SRGAP3: variants seen among roughly 807,000 people sequenced by gnomAD.
SRGAP3 encodes SLIT-ROBO Rho GTPase activating protein 3.
Under a neutral mutation model 121.1 loss-of-function variants are expected in SRGAP3, and 39 were observed. The ratio of observed to expected loss-of-function variants is 0.32; its 90% CI spans 0.25 to 0.42. SRGAP3 has a LOEUF of 0.42. SRGAP3 is among the 10% of genes least tolerant of loss of function. The probability of loss-of-function intolerance (pLI) is 1.00; values close to 1 mark genes in which losing one functional copy is unlikely to be tolerated. For missense variants in SRGAP3, 1,213 were observed against 1,470.6 expected, an observed-to-expected ratio of 0.82 and a Z score of 2.86; for synonymous variants, 601 against 570.0, an observed-to-expected ratio of 1.05 and a Z score of -0.77.
chr3:9,315,220 C>T (rs968641120), intron 3 of SRGAP3, among the ~76,000 whole-genome samples: 1 of 152,208 alleles, frequency 6.6e-6, no homozygotes, highest in Non-Finnish European at 1.5e-5. Context: ...AGGCTTTCAA[C>T]TGGGCTGCTG....
intron 3 of SRGAP3, among the ~76,000 whole-genome samples, chr3:9,100,657 TG>T (rs1271107098): frequency 1.3e-5 from 2 of 152,142 alleles, no homozygotes; most frequent in Non-Finnish European, 2.9e-5. Context: ...AAAAAACAAT[TG>T]GTACAAAAAT....
intron 1 of SRGAP3, among the ~76,000 whole-genome samples, chr3:9,166,691 TCTAA>T (rs549413401): frequency 5.7e-4 from 87 of 152,308 alleles, no homozygotes; most frequent in Non-Finnish European, 1.0e-3. Flanking sequence ...GTGTCTCTAT[TCTAA>T]CTAACACCTC....
chr3:9,254,400 C>A (rs889178596), upstream of SRGAP3, among the ~76,000 whole-genome samples: 3 of 152,146 alleles, frequency 2.0e-5, no homozygotes, highest in Admixed American at 6.5e-5. Context: ...ATAGGAAATT[C>A]CATCTCTATG....
rs189352530 is a variant in SRGAP3, at chr3:9,090,798, A to G, written c.424-10711T>C. Among the ~76,000 whole-genome samples, 11 of 152,118 alleles carry G rather than the reference A, an allele frequency of 7.2e-5. No individual in the cohort carries two copies. In the East Asian group the frequency reaches 2.1e-3, roughly 29 times the overall value. On this transcript the variant is annotated intron_variant, in intron 3 of 21. Transcript: ENST00000383836. Reference sequence around the variant, plus strand: ...ATTACTGGCATGCACCACCACACCTAGCTAATTTTTGTATTTTTAGTAGAG... The same window carrying G: ...ATTACTGGCATGCACCACCACACCTGGCTAATTTTTGTATTTTTAGTAGAG...
At chr3:9,059,422 T>C (rs1574998782) in intron 6 of SRGAP3, 1 of 152,248 alleles carries the variant, frequency 6.6e-6, no homozygotes. Flanking sequence ...ATGCTGACAA[T>C]GGGGCCCCCT....
At position 9,148,798 on chromosome 3, in the gene SRGAP3, C is replaced by G. The variant is rs999795358; in HGVS notation, c.68-23881G>C. Among the ~76,000 whole-genome samples, 4 of 152,328 alleles carry G rather than the reference C, an allele frequency of 2.6e-5. No homozygotes were observed. In the East Asian group the frequency reaches 7.7e-4, roughly 29 times the overall value. ...TGCTTCTGGAAGAGCAATTCTGCTT[C>G]CCATGACACAGCACTTTACAGTTTG... On this transcript the variant is annotated intron_variant, in intron 1 of 21. Transcript: ENST00000383836.
At chr3:9,243,329 A>T (rs1278375404) in intron 1 of SRGAP3, among the ~76,000 whole-genome samples, 1 of 152,028 alleles carries the variant, frequency 6.6e-6, no homozygotes, top group African/African-American at 2.4e-5. Context: ...AAGGGTATGG[A>T]GGATTTAGAG....
intron 2 of SRGAP3, 114 bp downstream of exon 2, chr3:9,124,610 AG>A: frequency 7.3e-7 from 1 of 1,375,106 alleles, no homozygotes; most frequent in Non-Finnish European, 1.0e-6. Flanking sequence ...AGGGCCCTGA[AG>A]GCACACCCTC....
At position 9,087,026 on chromosome 3, in the gene SRGAP3, G is replaced by A. The variant is rs552569673; in HGVS notation, c.424-6939C>T. Reference sequence around the variant, plus strand: ...CATACAAGAGTAAATATACATATACGTATATTATGTATGCATATGTAACAT... The same window carrying A: ...CATACAAGAGTAAATATACATATACATATATTATGTATGCATATGTAACAT... On this transcript the variant is annotated intron_variant, in intron 3 of 21. Transcript: ENST00000383836. 6.6e-5 allele frequency among the ~76,000 whole-genome samples: 10 copies of A among 150,912 alleles called. No homozygotes were observed. The South Asian group carries it at 1.0e-3, about 16-fold the overall frequency.
intron 3 of SRGAP3, among the ~76,000 whole-genome samples, chr3:9,306,734 G>C (rs1316716467): frequency 6.6e-6 from 1 of 152,076 alleles, no homozygotes; most frequent in Non-Finnish European, 1.5e-5. Context: ...GTAGATGTGT[G>C]GTGCTATTTC....
intron 1 of SRGAP3, among the ~76,000 whole-genome samples, chr3:9,354,343 T>G (rs2030367245): frequency 6.6e-6 from 1 of 152,152 alleles, no homozygotes; most frequent in African/African-American, 2.4e-5. Flanking sequence ...AGGGAGTGGC[T>G]GTGCTATCTG....
intron 3 of SRGAP3, among the ~76,000 whole-genome samples, chr3:9,308,240 A>C (rs1955189878): frequency 1.3e-5 from 2 of 152,220 alleles, no homozygotes; most frequent in African/African-American, 2.4e-5. Flanking sequence ...TCATGAACAC[A>C]TCAACAGTGG....
At chr3:9,026,551 A>C (rs1944210922) in intron 13 of SRGAP3, among the ~76,000 whole-genome samples, 1 of 152,228 alleles carries the variant, frequency 6.6e-6, no homozygotes, top group Non-Finnish European at 1.5e-5. Flanking sequence ...TTGCCATTCA[A>C]AAGTAATAGC....
chr3:9,146,765 C>T (rs7635454), intron 1 of SRGAP3, among the ~76,000 whole-genome samples: 3,847 of 152,246 alleles, frequency 0.025, 179 homozygotes, highest in African/African-American at 0.088. Context: ...AGAAGAGGAG[C>T]GGGAACCCCA....
intron 4 of SRGAP3, among the ~76,000 whole-genome samples, chr3:9,076,918 G>A (rs1364702035): frequency 6.6e-6 from 1 of 151,980 alleles, no homozygotes; most frequent in Non-Finnish European, 1.5e-5. Flanking sequence ...CACATACTAG[G>A]CTCTGACTTG....
Position 8,994,026 on chromosome 3 carries a change from G to A in SRGAP3, c.2408+317C>T, listed in dbSNP as rs374229456. 8.3e-4 allele frequency: 352 copies of A among 423,008 alleles called. 2 individuals are homozygous for A. Among genetic ancestry groups the A allele is most frequent in the South Asian group, 6.2e-3 (273 of 44,362 alleles). 26.2% of individuals were successfully genotyped at this position (423,008 alleles called of 1,614,324 possible). The stretch of plus-strand genomic sequence containing the variant: ...AGGCAGGGGAGGCCTAGGAGGTGGA[G>A]GCACATGGCAGGATCCCCTGGATAC... On this transcript the variant is annotated intron_variant, in intron 19 of 21. Transcript: ENST00000383836.
chr3:8,990,533 C>T lies in SRGAP3; in HGVS notation c.2865G>A (p.Leu955=), dbSNP rs562471778. 44 of 1,563,978 alleles carry T rather than the reference C, an allele frequency of 2.8e-5. No homozygotes were observed. The Admixed American group carries it at 4.4e-4, about 16-fold the overall frequency. The change falls in exon 21 of 22, where the codon CTG becomes CTA. Residue 955 remains leucine, a synonymous_variant. Coordinates refer to ENST00000383836, the MANE Select transcript of SRGAP3 (RefSeq NM_014850.4). ...TTACTTCTGCCAGGGCCTCGGCCTC[C>T]AGGGACTTGTGGTCCCCTAGGCTGC... is the stretch of plus-strand genomic sequence containing the variant. ...RHSSLGDHKS[L]EAEALAEDIE...
At chr3:8,986,357 C>T (rs1401033194) in intron 21 of SRGAP3, among the ~76,000 whole-genome samples, 1 of 152,180 alleles carries the variant, frequency 6.6e-6, no homozygotes, top group Non-Finnish European at 1.5e-5. Context: ...TGTGAAGAGC[C>T]TGGCCTGACC....
intron 2 of SRGAP3, among the ~76,000 whole-genome samples, chr3:9,123,807 G>C (rs918853007): frequency 7.3e-5 from 11 of 150,654 alleles, no homozygotes; most frequent in Non-Finnish European, 1.6e-4. Context: ...GAGAGAGAGA[G>C]AGAAACAGGA....
Sources: gnomAD v4.1 joint callset for allele counts (sites outside exome capture counted in the v4.1 genomes callset) on GRCh38, gnomAD v4.1.1 for gene constraint, MANE v1.5 for transcripts, NCBI Gene and HGNC (gene_info 2026-07-23, HGNC 2026-07-21) for gene names.